Variants in TENM2 observed in about 807,000 individuals in gnomAD.
TENM2 encodes teneurin transmembrane protein 2, also known as teneurin-2.
In TENM2, 52 loss-of-function variants were observed where a neutral mutation model predicts 245.2. The observed-to-expected ratio is 0.21, with a 90% CI of 0.17 to 0.27. TENM2 has a LOEUF of 0.27. TENM2 is among the 10% of genes least tolerant of loss of function. The probability of loss-of-function intolerance (pLI) is 1.00; values close to 1 mark genes in which losing one functional copy is unlikely to be tolerated. For missense variants in TENM2, 3,046 were observed against 3,666.8 expected, an observed-to-expected ratio of 0.83 and a Z score of 4.37; for synonymous variants, 1,363 against 1,438.9, an observed-to-expected ratio of 0.95 and a Z score of 1.19.
chr5:168,017,251 A>G (rs536162740), intron 5 of TENM2, among the ~76,000 whole-genome samples: 1 of 152,198 alleles, frequency 6.6e-6, no homozygotes, highest in South Asian at 2.1e-4. Context: ...TTGAATTTGG[A>G]TATCACTTAA....
At chr5:168,209,860 G>A (rs1762652531) in intron 19 of TENM2, among the ~76,000 whole-genome samples, 1 of 152,106 alleles carries the variant, frequency 6.6e-6, no homozygotes, top group Admixed American at 6.6e-5. Flanking sequence ...AAGAACTGAG[G>A]GGGACAGGCA....
intron 13 of TENM2, among the ~76,000 whole-genome samples, chr5:168,183,559 C>T (rs547022618): frequency 2.0e-4 from 30 of 152,284 alleles, no homozygotes; most frequent in African/African-American, 7.0e-4. Context: ...CCTTTGCTGG[C>T]CAGCATTAAG....
chr5:167,452,950 T>TATATATTTTAA lies in TENM2; in HGVS notation c.502+77483_502+77484insTTTAAATATAT, dbSNP rs1561968212. 5.6e-3 allele frequency among the ~76,000 whole-genome samples: 557 copies of TATATATTTTAA among 99,624 alleles called. 23 individuals carry two copies. The highest frequency in any genetic ancestry group is 0.011 in the African/African-American group (334 of 29,474). 65.4% of individuals were successfully genotyped at this position (99,624 alleles called of 152,430 possible). ...TATGATTTATATATATATATATATA[T>TATATATTTTAA]ATATATATATATTTAAAAAAAAAAA... On this transcript the variant is annotated intron_variant, in intron 2 of 28. Transcript: ENST00000518659.
At chr5:167,595,612 G>C (rs560316870) in intron 2 of TENM2, among the ~76,000 whole-genome samples, 6 of 152,216 alleles carry the variant, frequency 3.9e-5, no homozygotes, top group Non-Finnish European at 8.8e-5. Context: ...AGAATAAATA[G>C]AGAGCCATTT....
chr5:167,700,873 C>T (rs752357869), intron 2 of TENM2, among the ~76,000 whole-genome samples: 1 of 144,524 alleles, frequency 6.9e-6, no homozygotes, highest in Non-Finnish European at 1.5e-5. Flanking sequence ...TTTAGTATAA[C>T]GTGCACTGAA....
chr5:167,632,927 G>A lies in TENM2; in HGVS notation c.503-243059G>A, dbSNP rs149164062. Reference sequence around the variant, plus strand: ...AGTGTGGTTTCTCTGTCATGATTTCGTATCATTTTCTGAAGTAAAATGAAC... The same window carrying A: ...AGTGTGGTTTCTCTGTCATGATTTCATATCATTTTCTGAAGTAAAATGAAC... On this transcript the variant is annotated intron_variant, in intron 2 of 28. Transcript: ENST00000518659. 1.1e-3 allele frequency among the ~76,000 whole-genome samples: 172 copies of A among 152,200 alleles called. 1 individual carries two copies. Among genetic ancestry groups the A allele is most frequent in the African/African-American group, 3.8e-3 (156 of 41,534 alleles).
intron 4 of TENM2, among the ~76,000 whole-genome samples, chr5:167,956,099 A>G (rs572627027): frequency 6.6e-6 from 1 of 152,180 alleles, no homozygotes; most frequent in Non-Finnish European, 1.5e-5. Flanking sequence ...CTTCCTATCC[A>G]TGAGCATGGA....
At chr5:168,251,343 C>T (rs1404245188) in intron 27 of TENM2, among the ~76,000 whole-genome samples, 1 of 152,206 alleles carries the variant, frequency 6.6e-6, no homozygotes, top group Admixed American at 6.5e-5. Context: ...AGCAATACTG[C>T]TTTTCTCATT....
At chr5:166,990,111 AAAT>A in the TENM2 span, among the ~76,000 whole-genome samples, 1 of 152,156 alleles carries the variant, frequency 6.6e-6, no homozygotes, top group East Asian at 1.9e-4. Flanking sequence ...AATTAGTAAT[AAAT>A]AATAATGTGG....
At chr5:167,666,758 CATT>C (rs1249474800) in intron 2 of TENM2, among the ~76,000 whole-genome samples, 1 of 152,164 alleles carries the variant, frequency 6.6e-6, no homozygotes, top group African/African-American at 2.4e-5. Context: ...CTACTGAAGA[CATT>C]ATATAAATTC....
chr5:167,434,344 G>T (rs533701579), intron 2 of TENM2, among the ~76,000 whole-genome samples: 1 of 147,244 alleles, frequency 6.8e-6, no homozygotes, highest in Non-Finnish European at 1.5e-5. Context: ...AACCCGGGAG[G>T]CAGAGGTTGC....
intron 25 of TENM2, among the ~76,000 whole-genome samples, chr5:168,241,315 G>A (rs1766081534): frequency 6.6e-6 from 1 of 151,694 alleles, no homozygotes; most frequent in South Asian, 2.1e-4. Flanking sequence ...GGGTGCAGTG[G>A]CATGATCTTG....
At chr5:167,964,182 C>A (rs2151897135) in intron 4 of TENM2, among the ~76,000 whole-genome samples, 1 of 152,316 alleles carries the variant, frequency 6.6e-6, no homozygotes, top group Admixed American at 6.5e-5. Context: ...GGTGAGAAAT[C>A]TTCCCGGTCG....
At chr5:167,194,017 T>C in the TENM2 span, among the ~76,000 whole-genome samples, 5,870 of 152,080 alleles carry the variant, frequency 0.039, 390 homozygotes, top group African/African-American at 0.14. Flanking sequence ...GACTATTTCA[T>C]TCAAGCTCAG....
the TENM2 span, among the ~76,000 whole-genome samples, chr5:167,239,536 C>T: frequency 1.3e-5 from 2 of 152,090 alleles, no homozygotes; most frequent in African/African-American, 2.4e-5. Flanking sequence ...GCCATAGTGT[C>T]GGAACTGGGT....
chr5:167,466,196 A>G (rs1159223349), intron 2 of TENM2, among the ~76,000 whole-genome samples: 1 of 152,130 alleles, frequency 6.6e-6, no homozygotes, highest in Non-Finnish European at 1.5e-5. Flanking sequence ...GGTCCTAAGG[A>G]TAGTTTGCTA....
At chr5:167,114,853 G>A in the TENM2 span, among the ~76,000 whole-genome samples, 37 of 152,222 alleles carry the variant, frequency 2.4e-4, no homozygotes, top group Non-Finnish European at 5.1e-4. Context: ...CACATGAATA[G>A]TGGAGTGACA....
At chr5:167,527,632 C>T (rs1278921623) in intron 2 of TENM2, among the ~76,000 whole-genome samples, 1 of 152,142 alleles carries the variant, frequency 6.6e-6, no homozygotes, top group Non-Finnish European at 1.5e-5. Context: ...CACCTGTGAT[C>T]TCATAATATT....
intron 2 of TENM2, among the ~76,000 whole-genome samples, chr5:167,600,742 TCA>T (rs1400722086): frequency 1.3e-5 from 2 of 152,232 alleles, no homozygotes; most frequent in Admixed American, 6.5e-5. Flanking sequence ...ACAATTAATT[TCA>T]CAGTTTCCTC....
Sources: allele counts gnomAD v4.1 joint callset (sites outside exome capture counted in the v4.1 genomes callset), GRCh38; gene constraint gnomAD v4.1.1; transcripts MANE v1.5; gene names NCBI Gene and HGNC (gene_info 2026-07-23, HGNC 2026-07-21).